Variants in PRKG1 observed in about 807,000 individuals in gnomAD.
PRKG1 encodes cGMP-dependent protein kinase 1.
Under a neutral mutation model 88.1 loss-of-function variants are expected in PRKG1, and 35 were observed. The observed-to-expected ratio is 0.40, with a 90% CI of 0.30 to 0.53. The LOEUF (loss-of-function observed/expected upper bound fraction) is 0.53, where lower values mean the gene tolerates loss of function less well. Among genes scored for constraint, PRKG1 ranks in the 20% least tolerant of loss-of-function variants. The pLI is 0.59. For missense variants in PRKG1, 540 were observed against 839.8 expected (o/e 0.64, Z 4.41); for synonymous variants, 303 against 292.5 (o/e 1.04, Z -0.37).
intron 4 of PRKG1, among the ~76,000 whole-genome samples, chr10:51,844,295 G>A (rs929927571): frequency 2.0e-5 from 3 of 152,048 alleles, no homozygotes; most frequent in South Asian, 2.1e-4. Context: ...ATGTCAAAAT[G>A]TGAATAACGT....
Position 51,699,064 on chromosome 10 carries a change from T to G in PRKG1, c.593-105521T>G, listed in dbSNP as rs1456314925. The G allele has an allele frequency of 3.1e-6, 5 of 1,614,216 alleles. No individual in the cohort carries two copies. In the Admixed American group the frequency reaches 6.7e-5, roughly 22 times the overall value. On this transcript the variant is annotated intron_variant, in intron 3 of 17. Transcript: ENST00000373980. Reference sequence around the variant, plus strand: ...CATAAGCCAGTTGTGGATTTTGAAGTAACATGTTTCGAGCTTCCTGGTGGC... The same window carrying G: ...CATAAGCCAGTTGTGGATTTTGAAGGAACATGTTTCGAGCTTCCTGGTGGC...
chr10:51,188,149 T>C (rs1837541479), intron 2 of PRKG1, among the ~76,000 whole-genome samples: 1 of 151,970 alleles, frequency 6.6e-6, no homozygotes, highest in South Asian at 2.1e-4. Flanking sequence ...GACAAGGAAA[T>C]GAAGGGATGA....
intron 2 of PRKG1, among the ~76,000 whole-genome samples, chr10:51,251,962 A>G (rs537193431): frequency 6.6e-6 from 1 of 151,970 alleles, no homozygotes; most frequent in African/African-American, 2.4e-5. Context: ...GACTCAAGCA[A>G]TAAGTAGCAT....
At chr10:51,669,127 T>C (rs184341128) in intron 3 of PRKG1, among the ~76,000 whole-genome samples, 5 of 152,364 alleles carry the variant, frequency 3.3e-5, no homozygotes, top group African/African-American at 1.2e-4. Flanking sequence ...AAATATTATC[T>C]TATTGTGTAT....
intron 9 of PRKG1, among the ~76,000 whole-genome samples, chr10:52,163,939 G>C (rs1247307925): frequency 1.3e-5 from 2 of 152,162 alleles, no homozygotes; most frequent in African/African-American, 4.8e-5. Flanking sequence ...GTCATTACCA[G>C]ACAAGTGATT....
At chr10:51,849,126 G>T (rs1215797868) in intron 4 of PRKG1, among the ~76,000 whole-genome samples, 1 of 151,958 alleles carries the variant, frequency 6.6e-6, no homozygotes, top group Non-Finnish European at 1.5e-5. Context: ...TCTACTTAAT[G>T]CTCTTTGCCT....
chr10:51,995,824 T>A (rs1209926765), intron 5 of PRKG1, among the ~76,000 whole-genome samples: 1 of 152,142 alleles, frequency 6.6e-6, no homozygotes, highest in Non-Finnish European at 1.5e-5. Context: ...CAATATATGT[T>A]AAGTGCATAT....
At chr10:51,870,148 T>C (rs1004663532) in intron 4 of PRKG1, among the ~76,000 whole-genome samples, 5 of 152,188 alleles carry the variant, frequency 3.3e-5, no homozygotes, top group Admixed American at 2.0e-4. Context: ...ATTCTGACCT[T>C]AAACGCTTTA....
At chr10:51,548,733 G>T (rs1842505452) in intron 3 of PRKG1, among the ~76,000 whole-genome samples, 1 of 151,806 alleles carries the variant, frequency 6.6e-6, no homozygotes, top group African/African-American at 2.4e-5. Flanking sequence ...TTTTCTTTTG[G>T]GTATACTGGC....
intron 1 of PRKG1, among the ~76,000 whole-genome samples, chr10:51,099,098 A>T (rs1413341354): frequency 6.6e-6 from 1 of 151,650 alleles, no homozygotes; most frequent in Non-Finnish European, 1.5e-5. Context: ...TCTGGGGAAC[A>T]CTCCCTTAAT....
At chr10:51,581,007 G>C (rs575944928) in intron 3 of PRKG1, among the ~76,000 whole-genome samples, 5 of 131,300 alleles carry the variant, frequency 3.8e-5, no homozygotes, top group African/African-American at 2.2e-4. Context: ...GCTGGGTCCA[G>C]GGGGGGGTCA....
chr10:51,877,819 T>G (rs1043946350), intron 4 of PRKG1, among the ~76,000 whole-genome samples: 3 of 152,200 alleles, frequency 2.0e-5, no homozygotes, highest in African/African-American at 7.2e-5. Flanking sequence ...TATATTCTCT[T>G]TTTTCCCAAC....
At chr10:51,693,265 G>A (rs1200822456) in intron 3 of PRKG1, among the ~76,000 whole-genome samples, 1 of 136,258 alleles carries the variant, frequency 7.3e-6, no homozygotes, top group Non-Finnish European at 1.5e-5. Context: ...TCCAGCCTGG[G>A]CAGCAAAGTG....
intron 9 of PRKG1, among the ~76,000 whole-genome samples, chr10:52,192,941 ACTT>A (rs904340433): frequency 1.3e-5 from 2 of 151,990 alleles, no homozygotes; most frequent in Admixed American, 6.6e-5. Flanking sequence ...ATGTCACTCT[ACTT>A]CTATTAATTT....
At chr10:51,231,941 T>C (rs1018758642) in intron 2 of PRKG1, among the ~76,000 whole-genome samples, 4 of 152,180 alleles carry the variant, frequency 2.6e-5, no homozygotes, top group Admixed American at 2.6e-4. Context: ...TTTGGTGAGG[T>C]CATTGAATAC....
At chr10:51,943,470 G>A (rs1438478478) in intron 5 of PRKG1, among the ~76,000 whole-genome samples, 13 of 152,084 alleles carry the variant, frequency 8.5e-5, no homozygotes, top group South Asian at 4.1e-4. Flanking sequence ...AATTGCCCTG[G>A]CCAGAACTTC....
chr10:51,685,569 T>C (rs1840967375), intron 3 of PRKG1, among the ~76,000 whole-genome samples: 1 of 152,190 alleles, frequency 6.6e-6, no homozygotes, highest in South Asian at 2.1e-4. Context: ...ACTCAAAGTA[T>C]TTGCTCACTG....
chr10:51,636,844 G>A (rs1363045108), intron 3 of PRKG1, among the ~76,000 whole-genome samples: 1 of 152,140 alleles, frequency 6.6e-6, no homozygotes. Flanking sequence ...GTGATAGGTA[G>A]CAAACGAGGA....
At chr10:51,349,203 T>C (rs775029039) in intron 2 of PRKG1, among the ~76,000 whole-genome samples, 1 of 152,186 alleles carries the variant, frequency 6.6e-6, no homozygotes, top group South Asian at 2.1e-4. Flanking sequence ...CTGCTGGTGC[T>C]GGAAGTGTGT....
Sources: gnomAD v4.1 joint callset for allele counts (sites outside exome capture counted in the v4.1 genomes callset) on GRCh38, gnomAD v4.1.1 for gene constraint, MANE v1.5 for transcripts, NCBI Gene and HGNC (gene_info 2026-07-23, HGNC 2026-07-21) for gene names.